Variants in GABPB2 observed in about 807,000 individuals in gnomAD.
GABPB2 encodes GA-binding protein subunit beta-2.
GABPB2 carries 23 observed loss-of-function variants against 39.1 expected under a neutral mutation model. The ratio of observed to expected loss-of-function variants is 0.59; its 90% confidence interval spans 0.42 to 0.83. The LOEUF is 0.83. Ranked by LOEUF, GABPB2 falls within the 40% of genes least tolerant of loss-of-function variation. GABPB2 has a pLI of 0.00. For missense variants in GABPB2, 467 were observed against 541.1 expected (o/e 0.86, Z 1.36); for synonymous variants, 184 against 199.3 (o/e 0.92, Z 0.65).
At chr1:151,081,883 C>G (rs927063121) in intron 1 of GABPB2, among the ~76,000 whole-genome samples, 1 of 151,918 alleles carries the variant, frequency 6.6e-6, no homozygotes, top group African/African-American at 2.4e-5. Flanking sequence ...GTGATCTGCC[C>G]GCCTCAGTCT....
intron 4 of GABPB2, 41 bp from the exon 5 acceptor site, chr1:151,097,811 T>C: frequency 6.4e-7 from 1 of 1,560,632 alleles, no homozygotes; most frequent in Non-Finnish European, 8.7e-7. Context: ...AAAGAAAAGC[T>C]AATAAGTGTT....
intron 1 of GABPB2, among the ~76,000 whole-genome samples, chr1:151,074,310 C>CTTT (rs113264875): frequency 9.4e-6 from 1 of 105,856 alleles, no homozygotes; most frequent in Admixed American, 1.1e-4. Context: ...CATGCTTCCG[C>CTTT]TTTTTTTTTT....
At chr1:151,091,976 A>G (rs1678749930) in intron 3 of GABPB2, among the ~76,000 whole-genome samples, 1 of 150,908 alleles carries the variant, frequency 6.6e-6, no homozygotes, top group African/African-American at 2.4e-5. Context: ...TTTTTTGTAG[A>G]GAATAGGGTC....
chr1:151,118,279 CTG>C lies in GABPB2; in HGVS notation c.*27_*28del, dbSNP rs1183647430. 4 of 1,597,168 alleles carry C rather than the reference CTG, an allele frequency of 2.5e-6. No homozygotes were observed. The East Asian group carries it at 6.7e-5, about 27-fold the overall frequency. ...TAATATGCAAGGGCCACAATTTGCA[CTG>C]TGTTCATATTAATCCTCTTTTAAAA... On this transcript the variant is annotated 3_prime_UTR_variant, in exon 9 of 9. Coordinates refer to ENST00000368918, the MANE Select transcript of GABPB2 (RefSeq NM_144618.3).
chr1:151,082,333 T>C (rs1306444455), intron 1 of GABPB2, among the ~76,000 whole-genome samples: 1 of 147,136 alleles, frequency 6.8e-6, no homozygotes, highest in Non-Finnish European at 1.5e-5. Flanking sequence ...CGCTTTGGCC[T>C]CCCAAAGTGC....
chr1:151,093,092 G>T (rs1312289444), intron 3 of GABPB2, 100 bp from the exon 4 acceptor site: 1 of 877,044 alleles, frequency 1.1e-6, no homozygotes, highest in Non-Finnish European at 1.7e-6. Context: ...CTAGATTTGA[G>T]TACGTAATCT....
At chr1:151,077,776 C>A (rs1439698265) in intron 1 of GABPB2, among the ~76,000 whole-genome samples, 9 of 149,606 alleles carry the variant, frequency 6.0e-5, no homozygotes, top group African/African-American at 2.2e-4. Context: ...CATGGTGAAA[C>A]CCTGTCTCTA....
intron 1 of GABPB2, among the ~76,000 whole-genome samples, chr1:151,071,497 G>T (rs1483327877): frequency 7.9e-5 from 9 of 113,888 alleles, no homozygotes; most frequent in African/African-American, 3.1e-4. Context: ...CTGTCACCCA[G>T]GCTGGAGTGC....
intron 1 of GABPB2, among the ~76,000 whole-genome samples, chr1:151,072,173 TTACTC>T (rs780869231): frequency 2.6e-5 from 4 of 152,364 alleles, no homozygotes; most frequent in Middle Eastern, 3.4e-3. Flanking sequence ...ACAAAAGTAA[TTACTC>T]TAATTATCTT....
Position 151,117,398 on chromosome 1 carries a change from C to G in GABPB2, c.929C>G (p.Thr310Ser). Reference sequence around the variant, plus strand: ...GGTGTCCTTTGACTTGTAGTTCTAACTGTACCTGCTGGTAAGGTTGCAGAG... The same window carrying G: ...GGTGTCCTTTGACTTGTAGTTCTAAGTGTACCTGCTGGTAAGGTTGCAGAG... ...VTVQDGQQVL[T>S]VPAGKVAEET... Residue 310 changes from threonine to serine, a missense_variant, in exon 8 of 9, where the codon ACT becomes AGT. By Grantham distance (58) the Thr-to-Ser change is moderately conservative. Coordinates refer to ENST00000368918, the MANE Select transcript of GABPB2 (RefSeq NM_144618.3). 1 of 1,613,678 alleles carries G rather than the reference C, an allele frequency of 6.2e-7. No individual in the cohort carries two copies. The highest frequency in any genetic ancestry group is 8.5e-7 in the Non-Finnish European group (1 of 1,179,728).
At chr1:151,103,763 T>G in intron 6 of GABPB2, 88 bp downstream of exon 6, 1 of 861,384 alleles carries the variant, frequency 1.2e-6, no homozygotes, top group Non-Finnish European at 1.9e-6. Flanking sequence ...GAAATATTAT[T>G]AAAGAATTGC....
At chr1:151,113,551 A>G (rs949274937) in intron 7 of GABPB2, among the ~76,000 whole-genome samples, 1 of 152,136 alleles carries the variant, frequency 6.6e-6, no homozygotes, top group East Asian at 1.9e-4. Context: ...AAATAATCAT[A>G]ATATATCCTA....
chr1:151,084,212 G>GT (rs916381069), intron 1 of GABPB2, among the ~76,000 whole-genome samples: 206 of 149,744 alleles, frequency 1.4e-3, no homozygotes, highest in African/African-American at 2.9e-3. Context: ...GTGCCCAGCT[G>GT]TTTTTTTTTG....
At position 151,117,492 on chromosome 1, in the gene GABPB2, GACAA is replaced by G. The variant is rs753819888; in HGVS notation, c.1027_1030del (p.Asn343ValfsTer33). The G allele has an allele frequency of 5.6e-6, 9 of 1,613,996 alleles. No individual in the cohort carries two copies. Among genetic ancestry groups the G allele is most frequent in the East Asian group, 2.2e-5 (1 of 44,878 alleles). On this transcript the variant is annotated frameshift_variant, in exon 8 of 9. Coordinates refer to ENST00000368918, the MANE Select transcript of GABPB2 (RefSeq NM_144618.3). LOFTEE classifies it high-confidence loss of function. Reference sequence around the variant, plus strand: ...CAAAGAAACCAAGGATAGGAGAGAAGACAAACAGTGTGGAGGAAAGCAAGGTAAT... The same window carrying G: ...CAAAGAAACCAAGGATAGGAGAGAAGACAGTGTGGAGGAAAGCAAGGTAAT...
Position 151,118,391 on chromosome 1 carries a change from T to G in GABPB2, c.*135T>G, listed in dbSNP as rs1681048277. The G allele has an allele frequency of 1.2e-6, 1 of 817,968 alleles. No individual in the cohort carries two copies. The highest frequency in any genetic ancestry group is 1.8e-6 in the Non-Finnish European group (1 of 546,222). 50.7% of individuals were successfully genotyped at this position (817,968 alleles called of 1,614,324 possible). A position where few individuals can be genotyped will look rare whatever the true frequency, so the allele number is the denominator to read the frequency against. ...CTATAGCAGGGTACAATGCTTGGGC[T>G]CAGGAAGTTTCTCTGTGCAACTAGA... On this transcript the variant is annotated 3_prime_UTR_variant, in exon 9 of 9. Coordinates refer to ENST00000368918, the MANE Select transcript of GABPB2 (RefSeq NM_144618.3).
At chr1:151,102,887 T>C (rs1388679235) in intron 5 of GABPB2, among the ~76,000 whole-genome samples, 1 of 152,128 alleles carries the variant, frequency 6.6e-6, no homozygotes, top group Admixed American at 6.6e-5. Flanking sequence ...GGGTGAGGTA[T>C]GCATTTTACA....
Position 151,117,367 on chromosome 1 carries a change from C to T in GABPB2, c.923-25C>T, listed in dbSNP as rs1222498974. On this transcript the variant is annotated intron_variant, in intron 7 of 8. Coordinates refer to ENST00000368918, the MANE Select transcript of GABPB2 (RefSeq NM_144618.3). ...TTGTTTTATTATGCATTCATCACCT[C>T]CAATTGGTGTCCTTTGACTTGTAGT... The T allele has an allele frequency of 3.7e-6, 6 of 1,607,406 alleles. No individual in the cohort carries two copies. In the African/African-American group the frequency reaches 8.0e-5, roughly 22 times the overall value.
chr1:151,096,951 G>A (rs587609169), intron 4 of GABPB2, among the ~76,000 whole-genome samples: 29 of 151,798 alleles, frequency 1.9e-4, no homozygotes, highest in African/African-American at 5.8e-4. Context: ...TCACTCTGTC[G>A]CCCAGGCTGG....
At chr1:151,090,859 G>A (rs1425960267) in intron 3 of GABPB2, among the ~76,000 whole-genome samples, 5 of 151,688 alleles carry the variant, frequency 3.3e-5, no homozygotes, top group Admixed American at 1.3e-4. Context: ...TTAGCAGGAC[G>A]TGGTGGTGCG....
Sources: gnomAD v4.1 joint callset for allele counts (sites outside exome capture counted in the v4.1 genomes callset) on GRCh38, gnomAD v4.1.1 for gene constraint, MANE v1.5 for transcripts, NCBI Gene and HGNC (gene_info 2026-07-23, HGNC 2026-07-21) for gene names.